FSTL5: variants seen among roughly 807,000 people sequenced by gnomAD.
FSTL5 encodes follistatin-related protein 5.
Under a neutral mutation model 89.1 loss-of-function variants are expected in FSTL5, and 62 were observed. The observed-to-expected ratio is 0.70, with a 90% CI of 0.57 to 0.86. The LOEUF is 0.86. FSTL5 is among the 40% of genes least tolerant of loss of function. The probability of loss-of-function intolerance (pLI) is 0.00; values close to 1 mark genes in which losing one functional copy is unlikely to be tolerated. For synonymous variants in FSTL5, 383 were observed against 346.2 expected (o/e 1.11, Z -1.18); for missense variants, 1,057 against 1,001.6 (o/e 1.06, Z -0.75).
intron 2 of FSTL5, among the ~76,000 whole-genome samples, chr4:162,063,384 C>T (rs913130910): frequency 2.0e-5 from 3 of 151,700 alleles, no homozygotes; most frequent in African/African-American, 7.3e-5. Context: ...AACAGTGATT[C>T]GATTTTAATT....
intron 1 of FSTL5, among the ~76,000 whole-genome samples, chr4:162,146,265 C>G (rs147018050): frequency 5.9e-5 from 9 of 152,178 alleles, no homozygotes; most frequent in African/African-American, 2.2e-4. Context: ...ATCTGTCTAT[C>G]CATCTGAAGA....
intron 7 of FSTL5, among the ~76,000 whole-genome samples, chr4:161,629,334 T>G (rs1230865883): frequency 6.6e-6 from 1 of 151,954 alleles, no homozygotes; most frequent in Non-Finnish European, 1.5e-5. Flanking sequence ...AATGAAGTTA[T>G]AGTAAATTAG....
At chr4:161,731,215 T>C (rs1739597883) in intron 6 of FSTL5, among the ~76,000 whole-genome samples, 1 of 152,158 alleles carries the variant, frequency 6.6e-6, no homozygotes, top group Admixed American at 6.6e-5. Context: ...AGATGATGAA[T>C]CTGTCACACC....
At chr4:161,443,272 C>T (rs1329423592) in intron 15 of FSTL5, among the ~76,000 whole-genome samples, 1 of 151,936 alleles carries the variant, frequency 6.6e-6, no homozygotes, top group African/African-American at 2.4e-5. Flanking sequence ...CAAGCGCTCT[C>T]CTTCATTTGA....
intron 12 of FSTL5, among the ~76,000 whole-genome samples, chr4:161,488,702 A>G (rs1206824979): frequency 6.6e-6 from 1 of 152,186 alleles, no homozygotes; most frequent in South Asian, 2.1e-4. Context: ...TGAAGTGATC[A>G]ATAAAAGTTA....
intron 13 of FSTL5, among the ~76,000 whole-genome samples, chr4:161,469,665 T>C (rs1160380721): frequency 6.7e-6 from 1 of 149,576 alleles, no homozygotes; most frequent in East Asian, 2.0e-4. Flanking sequence ...TGAAGCGGAG[T>C]CTCCCTCTGT....
chr4:161,965,425 G>A (rs567723680), intron 3 of FSTL5, among the ~76,000 whole-genome samples: 4 of 152,230 alleles, frequency 2.6e-5, no homozygotes, highest in African/African-American at 9.6e-5. Context: ...TAGAGAAAGG[G>A]TGACAATTGA....
chr4:162,051,437 T>C (rs1229682462), intron 2 of FSTL5, among the ~76,000 whole-genome samples: 1 of 151,096 alleles, frequency 6.6e-6, no homozygotes, highest in Non-Finnish European at 1.5e-5. Context: ...ATATAAATAA[T>C]ATGAAAAGGA....
At chr4:162,060,822 C>T (rs1738696370) in intron 2 of FSTL5, among the ~76,000 whole-genome samples, 1 of 151,960 alleles carries the variant, frequency 6.6e-6, no homozygotes, top group South Asian at 2.1e-4. Context: ...TTGCACCACA[C>T]TTTGACATCA....
At chr4:161,958,254 A>G (rs1035039314) in intron 3 of FSTL5, among the ~76,000 whole-genome samples, 7 of 152,066 alleles carry the variant, frequency 4.6e-5, no homozygotes, top group Non-Finnish European at 5.9e-5. Context: ...CATGTAAAAT[A>G]AGTTATAATA....
intron 4 of FSTL5, among the ~76,000 whole-genome samples, chr4:161,805,304 A>G (rs1389226714): frequency 6.6e-6 from 1 of 152,172 alleles, no homozygotes; most frequent in Non-Finnish European, 1.5e-5. Flanking sequence ...AAGATATTCT[A>G]AAATGTGTTC....
intron 13 of FSTL5, among the ~76,000 whole-genome samples, chr4:161,479,017 A>G (rs185693823): frequency 6.6e-6 from 1 of 152,214 alleles, no homozygotes; most frequent in Non-Finnish European, 1.5e-5. Flanking sequence ...CTACACAATA[A>G]TTTCCTTCAA....
chr4:161,771,821 G>A (rs918483848), intron 5 of FSTL5, among the ~76,000 whole-genome samples: 1 of 152,110 alleles, frequency 6.6e-6, no homozygotes, highest in Non-Finnish European at 1.5e-5. Context: ...CACACTTTGG[G>A]AGTTTAAAAT....
At chr4:161,664,538 G>A (rs1296846079) in intron 6 of FSTL5, among the ~76,000 whole-genome samples, 1 of 152,084 alleles carries the variant, frequency 6.6e-6, no homozygotes, top group African/African-American at 2.4e-5. Flanking sequence ...CCTCAGCCTG[G>A]ACGTTATTGT....
intron 7 of FSTL5, among the ~76,000 whole-genome samples, chr4:161,627,282 G>A (rs935641169): frequency 2.0e-5 from 3 of 152,078 alleles, no homozygotes; most frequent in Non-Finnish European, 2.9e-5. Context: ...TCAACACTGA[G>A]GCAAGATCCT....
intron 2 of FSTL5, among the ~76,000 whole-genome samples, chr4:162,083,449 A>C (rs1328636690): frequency 2.0e-5 from 3 of 151,794 alleles, no homozygotes; most frequent in African/African-American, 7.2e-5. Flanking sequence ...ACTCTCTTTA[A>C]GAACACAGAG....
chr4:161,401,663 T>C (rs1245774697), intron 15 of FSTL5, among the ~76,000 whole-genome samples: 2 of 152,142 alleles, frequency 1.3e-5, no homozygotes, highest in Non-Finnish European at 2.9e-5. Context: ...TAGCTGGGAC[T>C]ACTGGAGACT....
At chr4:161,498,702 T>C (rs577974065) in intron 12 of FSTL5, among the ~76,000 whole-genome samples, 45 of 152,330 alleles carry the variant, frequency 3.0e-4, no homozygotes, top group African/African-American at 8.9e-4. Flanking sequence ...ATAATATTTG[T>C]ATTGAACACC....
intron 1 of FSTL5, among the ~76,000 whole-genome samples, chr4:162,144,558 GC>G (rs1376648515): frequency 6.6e-6 from 1 of 152,058 alleles, no homozygotes; most frequent in East Asian, 1.9e-4. Flanking sequence ...ATTTTAAACA[GC>G]CTTGTCAGGT....
Sources: gnomAD v4.1 joint callset for allele counts (sites outside exome capture counted in the v4.1 genomes callset) on GRCh38, gnomAD v4.1.1 for gene constraint, MANE v1.5 for transcripts, NCBI Gene and HGNC (gene_info 2026-07-23, HGNC 2026-07-21) for gene names.